EDA: variants seen among roughly 807,000 people sequenced by gnomAD.
The protein encoded by EDA is ectodysplasin A.
Under a neutral mutation model 23.6 loss-of-function variants are expected in EDA, and 2 were observed. That is an observed-to-expected ratio of 0.08 (90% CI 0.03 to 0.27). The LOEUF is 0.27. EDA is among the 10% of genes least tolerant of loss of function. The pLI, the probability that EDA is intolerant of heterozygous loss-of-function variation, is 1.00. For synonymous variants in EDA, 131 were observed against 132.0 expected (o/e 0.99, Z 0.05); for missense variants, 229 against 324.2 (o/e 0.71, Z 2.26).
intron 1 of EDA, among the ~76,000 whole-genome samples, chrX:69,765,589 T>C (rs919084345): frequency 3.6e-5 from 4 of 112,304 alleles, no homozygotes; most frequent in Non-Finnish European, 7.5e-5. Flanking sequence ...TTTTGAACTT[T>C]TTATTTTAAA....
At chrX:69,636,783 G>C (rs1388429815) in intron 1 of EDA, among the ~76,000 whole-genome samples, 2 of 110,547 alleles carry the variant, frequency 1.8e-5, no homozygotes, top group African/African-American at 6.6e-5. Flanking sequence ...TTATTGAGAG[G>C]ATTATGTTTT....
chrX:69,666,139 A>G (rs1277435249), intron 1 of EDA, among the ~76,000 whole-genome samples: 2 of 111,875 alleles, frequency 1.8e-5, no homozygotes, highest in African/African-American at 3.2e-5. Context: ...CTTTTTTTGT[A>G]TGTTGATTTT....
At chrX:69,676,200 G>A (rs2147273320) in intron 1 of EDA, among the ~76,000 whole-genome samples, 1 of 111,491 alleles carries the variant, frequency 9.0e-6, no homozygotes, top group South Asian at 3.8e-4. Context: ...AGGGGCTTGA[G>A]CAAAGGGGTT....
chrX:69,667,762 A>C (rs941205707), intron 1 of EDA, among the ~76,000 whole-genome samples: 1 of 112,348 alleles, frequency 8.9e-6, no homozygotes. Context: ...AAGAAAAGAT[A>C]AATGTTTCTT....
At chrX:69,680,017 T>G (rs1251190262) in intron 1 of EDA, among the ~76,000 whole-genome samples, 4 of 109,158 alleles carry the variant, frequency 3.7e-5, no homozygotes, top group Admixed American at 9.8e-5. Flanking sequence ...TCTGGTATGT[T>G]GTGTCTTTGT....
intron 1 of EDA, among the ~76,000 whole-genome samples, chrX:69,667,789 G>A (rs1258719082): frequency 1.8e-5 from 2 of 112,245 alleles, no homozygotes; most frequent in Non-Finnish European, 3.8e-5. Flanking sequence ...CTGGAGGCTG[G>A]GAAGTCCAAG....
intron 1 of EDA, among the ~76,000 whole-genome samples, chrX:69,683,620 G>A (rs573028127): frequency 2.7e-5 from 3 of 109,853 alleles, no homozygotes; most frequent in Admixed American, 9.8e-5. Flanking sequence ...ATCTAATCTC[G>A]CTTACTAGAT....
At chrX:70,018,896 G>A (rs1486226655) in intron 2 of EDA, among the ~76,000 whole-genome samples, 1 of 111,808 alleles carries the variant, frequency 8.9e-6, no homozygotes, top group Non-Finnish European at 1.9e-5. Context: ...GCTATCAACA[G>A]AGTAAACAGA....
Position 69,823,115 on chromosome X carries a change from G to A in EDA, c.397-133912G>A, listed in dbSNP as rs747777904. On this transcript the variant is annotated intron_variant, in intron 1 of 7. Coordinates refer to ENST00000374552, the MANE Select transcript of EDA (RefSeq NM_001399.5). Reference sequence around the variant, plus strand: ...CTATCATTGTTGGACATTTGGGTTGGATCCAAGTCTTTGCTATTGTGAATA... The same window carrying A: ...CTATCATTGTTGGACATTTGGGTTGAATCCAAGTCTTTGCTATTGTGAATA... 3.3e-4 allele frequency among the ~76,000 whole-genome samples: 30 copies of A among 91,246 alleles called. No homozygotes were observed. The South Asian group carries it at 0.015, about 46-fold the overall frequency. The allele number at this position is 91,246 out of a possible 115,157, so 79.2% of individuals were successfully genotyped here. A position where few individuals can be genotyped will look rare whatever the true frequency, so the allele number is the denominator to read the frequency against.
At chrX:69,978,077 G>T (rs775849923) in intron 2 of EDA, among the ~76,000 whole-genome samples, 4 of 110,181 alleles carry the variant, frequency 3.6e-5, no homozygotes, top group African/African-American at 6.6e-5. Context: ...AGGTCCTTTG[G>T]CCTTTGTCAG....
chrX:69,702,883 G>A (rs909317818), intron 1 of EDA, among the ~76,000 whole-genome samples: 1 of 111,055 alleles, frequency 9.0e-6, no homozygotes, highest in South Asian at 3.8e-4. Context: ...TTCATACTGT[G>A]GCCAGACTGA....
At chrX:69,866,373 C>T (rs1376797128) in intron 1 of EDA, among the ~76,000 whole-genome samples, 1 of 111,700 alleles carries the variant, frequency 9.0e-6, no homozygotes, top group Non-Finnish European at 1.9e-5. Context: ...ACCCTGTTGA[C>T]TTAAGATTAG....
intron 1 of EDA, among the ~76,000 whole-genome samples, chrX:69,863,553 G>A (rs5936786): frequency 1.3e-4 from 7 of 52,556 alleles, no homozygotes; most frequent in South Asian, 8.3e-4. Context: ...ATACATATAT[G>A]TATATATATG....
chrX:69,760,197 CAAAAA>C (rs1162014486), intron 1 of EDA, among the ~76,000 whole-genome samples: 15 of 46,551 alleles, frequency 3.2e-4, no homozygotes, highest in Admixed American at 7.0e-4. Context: ...CTCTTTTGTA[CAAAAA>C]AAAAAAAAAA....
At chrX:69,906,739 G>A (rs951391393) in intron 1 of EDA, among the ~76,000 whole-genome samples, 7 of 111,269 alleles carry the variant, frequency 6.3e-5, no homozygotes, top group African/African-American at 2.0e-4. Flanking sequence ...ACGCGTGCAC[G>A]CACACACACA....
intron 1 of EDA, among the ~76,000 whole-genome samples, chrX:69,724,015 G>T (rs1405090932): frequency 1.8e-5 from 2 of 111,604 alleles, no homozygotes; most frequent in Non-Finnish European, 3.8e-5. Flanking sequence ...TTGTAACTTG[G>T]ATAATTTAGA....
At chrX:69,950,468 T>A (rs2018901685) in intron 1 of EDA, among the ~76,000 whole-genome samples, 1 of 93,008 alleles carries the variant, frequency 1.1e-5, no homozygotes, top group African/African-American at 4.0e-5. Context: ...TGTGGAGAAA[T>A]AGGAACACTT....
intron 7 of EDA, among the ~76,000 whole-genome samples, chrX:70,034,880 C>G (rs746182369): frequency 9.0e-6 from 1 of 111,703 alleles, no homozygotes; most frequent in East Asian, 2.8e-4. Context: ...TTAAGGAGCT[C>G]AAGAAATCAC....
At chrX:69,762,034 T>C (rs1465009302) in intron 1 of EDA, among the ~76,000 whole-genome samples, 1 of 111,825 alleles carries the variant, frequency 8.9e-6, no homozygotes, top group Non-Finnish European at 1.9e-5. Context: ...TCTTCTAGTG[T>C]CTTGGCCAAT....
Sources: gnomAD v4.1 joint callset for allele counts (sites outside exome capture counted in the v4.1 genomes callset) on GRCh38, gnomAD v4.1.1 for gene constraint, MANE v1.5 for transcripts, NCBI Gene and HGNC (gene_info 2026-07-23, HGNC 2026-07-21) for gene names.